DDX31: variants seen among roughly 807,000 people sequenced by gnomAD.
The protein encoded by DDX31 is ATP-dependent DNA helicase DDX31.
Under a neutral mutation model 91.3 loss-of-function variants are expected in DDX31, and 70 were observed. That is an observed-to-expected ratio of 0.77 (90% confidence interval 0.63 to 0.94). The LOEUF is 0.94. Ranked by LOEUF, DDX31 falls within the 40% of genes least tolerant of loss-of-function variation. The pLI is 0.00. For synonymous variants in DDX31, 362 were observed against 350.6 expected (o/e 1.03, Z -0.36); for missense variants, 902 against 925.0 (o/e 0.98, Z 0.32).
intron 18 of DDX31, among the ~76,000 whole-genome samples, chr9:132,617,388 C>T (rs1831708999): frequency 6.6e-6 from 1 of 152,042 alleles, no homozygotes; most frequent in Admixed American, 6.6e-5. Context: ...ATTATGTTCA[C>T]TGTCTGCTGC....
At chr9:132,623,089 CA>C (rs755322858) in intron 17 of DDX31, among the ~76,000 whole-genome samples, 11 of 149,060 alleles carry the variant, frequency 7.4e-5, no homozygotes, top group Non-Finnish European at 1.3e-4. Flanking sequence ...GAGGTCACGC[CA>C]GTGCATTCCA....
chr9:132,618,558 G>A (rs986357321), intron 17 of DDX31, 117 bp from the exon 18 acceptor site: 2 of 735,066 alleles, frequency 2.7e-6, no homozygotes, highest in Admixed American at 6.9e-5. Context: ...GGGCCAACAA[G>A]GGTAATCCTT....
chr9:132,652,146 C>T (rs1037281034), intron 7 of DDX31, among the ~76,000 whole-genome samples: 15 of 152,022 alleles, frequency 9.9e-5, no homozygotes, highest in African/African-American at 2.4e-5. Flanking sequence ...AATAAAGTTG[C>T]TAAAAAATTG....
intron 14 of DDX31, among the ~76,000 whole-genome samples, chr9:132,641,761 T>C (rs1833516786): frequency 6.6e-6 from 1 of 152,230 alleles, no homozygotes; most frequent in South Asian, 2.1e-4. Flanking sequence ...TCACACATTT[T>C]CAGACCAACA....
At chr9:132,660,108 G>T (rs1190166168) in intron 4 of DDX31, among the ~76,000 whole-genome samples, 1 of 152,050 alleles carries the variant, frequency 6.6e-6, no homozygotes, top group Admixed American at 6.5e-5. Flanking sequence ...AGCTGAGGTG[G>T]GTGGATCACC....
chr9:132,605,341 CT>C (rs1830952935), intron 19 of DDX31, among the ~76,000 whole-genome samples: 1 of 152,200 alleles, frequency 6.6e-6, no homozygotes, highest in Non-Finnish European at 1.5e-5. Flanking sequence ...AAACCCAAAG[CT>C]TTCTGAGCAC....
At chr9:132,600,917 G>A (rs957891463) in intron 19 of DDX31, among the ~76,000 whole-genome samples, 4 of 152,236 alleles carry the variant, frequency 2.6e-5, no homozygotes, top group African/African-American at 9.6e-5. Flanking sequence ...CACATGGCCA[G>A]TATGAAGGTA....
Position 132,638,330 on chromosome 9 carries a change from G to A in DDX31, c.1440+3674C>T, listed in dbSNP as rs767877776. The A allele has an allele frequency of 5.6e-6, 9 of 1,613,894 alleles. No individual in the cohort carries two copies. The Admixed American group carries it at 1.5e-4, about 27-fold the overall frequency. ...AACATAATGATGGTATTAAAAGCAA[G>A]GTTCCTTTCCTCTGGCTTAGGGTGA... On this transcript the variant is annotated intron_variant, in intron 14 of 19. Coordinates refer to ENST00000372159, the MANE Select transcript of DDX31 (RefSeq NM_022779.9).
chr9:132,645,465 G>T (rs1833769717), intron 13 of DDX31, among the ~76,000 whole-genome samples: 3 of 152,096 alleles, frequency 2.0e-5, no homozygotes, highest in Admixed American at 2.0e-4. Context: ...TACCATATGG[G>T]ATCCACAATT....
intron 13 of DDX31, among the ~76,000 whole-genome samples, chr9:132,644,413 A>T (rs1268976484): frequency 6.6e-6 from 1 of 152,188 alleles, no homozygotes; most frequent in Non-Finnish European, 1.5e-5. Flanking sequence ...TACAATTATC[A>T]TCCCCATTTT....
intron 19 of DDX31, among the ~76,000 whole-genome samples, chr9:132,604,515 C>A (rs558715553): frequency 6.6e-6 from 1 of 152,250 alleles, no homozygotes; most frequent in African/African-American, 2.4e-5. Flanking sequence ...TTCAGCAGCA[C>A]CTTGCTGCCC....
chr9:132,612,702 CTAAT>C (rs1177083513), intron 18 of DDX31, among the ~76,000 whole-genome samples: 5 of 152,208 alleles, frequency 3.3e-5, no homozygotes, highest in African/African-American at 1.2e-4. Context: ...CACATTTTTC[CTAAT>C]TAAATTTTAC....
chr9:132,605,707 G>A lies in DDX31; in HGVS notation c.1994+6380C>T, dbSNP rs550116373. Among the ~76,000 whole-genome samples, 4 of 152,312 alleles carry A rather than the reference G, an allele frequency of 2.6e-5. No homozygotes were observed. In the East Asian group the frequency reaches 5.8e-4, roughly 22 times the overall value. On this transcript the variant is annotated intron_variant, in intron 19 of 19. Coordinates refer to ENST00000372159, the MANE Select transcript of DDX31 (RefSeq NM_022779.9). ...GAGAGGGCACAGCATGGAGGGGAGA[G>A]GTCCAGGCCCAGGACATGTTCAGGC...
chr9:132,664,507 G>A lies in DDX31; in HGVS notation c.76-1812C>T, dbSNP rs430370. ...GCTGATTGCTTGAGGCCAGGAGTTC[G>A]AGACCAGCCTGGGCAATATGGTGAA... On this transcript the variant is annotated intron_variant, in intron 1 of 19. Coordinates refer to ENST00000372159, the MANE Select transcript of DDX31 (RefSeq NM_022779.9). Among the ~76,000 whole-genome samples the A allele has an allele frequency of 3.3e-5, 5 of 152,008 alleles. No individual in the cohort carries two copies. In the South Asian group the frequency reaches 8.3e-4, roughly 25 times the overall value.
Position 132,630,304 on chromosome 9 carries a change from C to T in DDX31, c.1591G>A (p.Glu531Lys). ...GSSLLILAPS[E>K]AEYVNSLASH... ...GCCAACGAGTTGACATATTCTGCCT[C>T]CGAAGGAGCCAAAATGAGCAGGCTG... Residue 531 changes from glutamate to lysine, a missense_variant, in exon 16 of 20, where the codon GAG becomes AAG. Transcript: ENST00000372159. The T allele has an allele frequency of 6.3e-7, 1 of 1,595,442 alleles. No homozygotes were observed.
rs1831782900 is a variant in DDX31, at chr9:132,618,397, T to C, written c.1758A>G (p.Thr586=). 1.9e-6 allele frequency: 3 copies of C among 1,612,066 alleles called. No individual in the cohort carries two copies. The highest frequency in any genetic ancestry group is 2.2e-5 in the East Asian group (1 of 44,820). The change falls in exon 18 of 20, where the codon ACA becomes ACG. Residue 586 remains threonine, a synonymous_variant. Transcript: ENST00000372159. Reference sequence around the variant, plus strand: ...AATCTTCAAATACCGTCTGCAAGACTGTGGCTCGCTCTCGGATTTCCTGGG... The same window carrying C: ...AATCTTCAAATACCGTCTGCAAGACCGTGGCTCGCTCTCGGATTTCCTGGG... ...VGPQEIRERA[T]VLQTVFEDYV...
Position 132,662,710 on chromosome 9 carries a change from G to A in DDX31, c.76-15C>T. 1 of 1,613,728 alleles carries A rather than the reference G, an allele frequency of 6.2e-7. No homozygotes were observed. Reference sequence around the variant, plus strand: ...GCCTTTGCTTGCTGCGTTGTTCCCAGAAGGAAAGATCAACAAGAGATGCAT... The same window carrying A: ...GCCTTTGCTTGCTGCGTTGTTCCCAAAAGGAAAGATCAACAAGAGATGCAT... On this transcript the variant is annotated splice_polypyrimidine_tract_variant and intron_variant, in intron 1 of 19. Coordinates refer to ENST00000372159, the MANE Select transcript of DDX31 (RefSeq NM_022779.9).
intron 17 of DDX31, among the ~76,000 whole-genome samples, chr9:132,619,227 T>G (rs1202596606): frequency 2.0e-5 from 3 of 152,222 alleles, no homozygotes; most frequent in Admixed American, 2.0e-4. Flanking sequence ...CGCTAAAAAC[T>G]AGTGGCTTTT....
At chr9:132,668,526 C>G (rs1416081470) in intron 1 of DDX31, among the ~76,000 whole-genome samples, 2 of 151,408 alleles carry the variant, frequency 1.3e-5, no homozygotes, top group East Asian at 1.9e-4. Flanking sequence ...ATCCAGCCCT[C>G]GAGAGGTCCT....
Sources: gnomAD v4.1 joint callset for allele counts (sites outside exome capture counted in the v4.1 genomes callset) on GRCh38, gnomAD v4.1.1 for gene constraint, MANE v1.5 for transcripts, NCBI Gene and HGNC (gene_info 2026-07-23, HGNC 2026-07-21) for gene names.